ARL15: variants seen among roughly 807,000 people sequenced by gnomAD.
ARL15 encodes ADP-ribosylation factor-like protein 15.
Under a neutral mutation model 25.2 loss-of-function variants are expected in ARL15, and 19 were observed. That is an observed-to-expected ratio of 0.75 (90% CI 0.53 to 1.10). ARL15 has a LOEUF of 1.10. Among genes scored for constraint, ARL15 ranks in the 50% least tolerant of loss-of-function variants. ARL15 has a pLI of 0.00. For synonymous variants in ARL15, 94 were observed against 86.8 expected (o/e 1.08, Z -0.46); for missense variants, 220 against 246.0 (o/e 0.89, Z 0.71).
chr5:54,043,220 A>G (rs1171077066), intron 4 of ARL15, among the ~76,000 whole-genome samples: 1 of 150,612 alleles, frequency 6.6e-6, no homozygotes, highest in African/African-American at 2.4e-5. Flanking sequence ...TTTTTTTAGT[A>G]CTTTATACAT....
At chr5:54,072,505 T>C (rs887907118) in intron 4 of ARL15, among the ~76,000 whole-genome samples, 1 of 152,170 alleles carries the variant, frequency 6.6e-6, no homozygotes. Flanking sequence ...GCTATCATCA[T>C]GTGGTCTAAA....
In ARL15 at chr5:54,256,535, A is replaced by G. The variant is rs140487350; in HGVS notation, c.48+53897T>C. 8.3e-3 allele frequency among the ~76,000 whole-genome samples: 1,259 copies of G among 151,434 alleles called. 25 individuals carry two copies. The highest frequency in any genetic ancestry group is 0.029 in the African/African-American group (1,198 of 41,292). Reference sequence around the variant, plus strand: ...AACCCTACTGAAACTATGCCAAAAGACTGAGAAAGACGGAATCCTCTCTAA... The same window carrying G: ...AACCCTACTGAAACTATGCCAAAAGGCTGAGAAAGACGGAATCCTCTCTAA... On this transcript the variant is annotated intron_variant, in intron 1 of 4. Coordinates refer to ENST00000504924, the MANE Select transcript of ARL15 (RefSeq NM_019087.3).
In ARL15 at chr5:54,305,228, G is replaced by C. The variant is rs896919112; in HGVS notation, c.48+5204C>G. Among the ~76,000 whole-genome samples, 4 of 152,064 alleles carry C rather than the reference G, an allele frequency of 2.6e-5. No individual in the cohort carries two copies. The South Asian group carries it at 8.3e-4, about 32-fold the overall frequency. ...TAAATCCCAAACACTGGCAGGGCAC[G>C]GTGGCTCACTCCTGTAATCCCAGCA... On this transcript the variant is annotated intron_variant, in intron 1 of 4. Coordinates refer to ENST00000504924, the MANE Select transcript of ARL15 (RefSeq NM_019087.3).
At chr5:54,011,404 C>A (rs1174507148) in intron 4 of ARL15, among the ~76,000 whole-genome samples, 1 of 152,104 alleles carries the variant, frequency 6.6e-6, no homozygotes, top group African/African-American at 2.4e-5. Flanking sequence ...CTCCTGTAAT[C>A]AGAAGAGGTT....
At chr5:54,207,072 C>A (rs16882447) in intron 1 of ARL15, among the ~76,000 whole-genome samples, 48,868 of 152,188 alleles carry the variant, frequency 0.32, 8,301 homozygotes, top group Middle Eastern at 0.39. Flanking sequence ...AAAGCACCCA[C>A]GTTCCTCTAG....
At chr5:54,019,977 C>T (rs981953141) in intron 4 of ARL15, among the ~76,000 whole-genome samples, 2 of 152,162 alleles carry the variant, frequency 1.3e-5, no homozygotes, top group African/African-American at 2.4e-5. Context: ...TCAAATGTGA[C>T]GCTACAACAC....
At chr5:54,181,488 C>T (rs915602420) in intron 1 of ARL15, among the ~76,000 whole-genome samples, 7 of 152,168 alleles carry the variant, frequency 4.6e-5, no homozygotes, top group African/African-American at 9.7e-5. Context: ...ATGCATTTTA[C>T]AGCAAATCTC....
At chr5:53,890,806 C>G (rs530036324) in intron 4 of ARL15, among the ~76,000 whole-genome samples, 2 of 152,294 alleles carry the variant, frequency 1.3e-5, no homozygotes, top group Admixed American at 1.3e-4. Context: ...ATAACAGAGA[C>G]GACTCGGCAC....
intron 1 of ARL15, among the ~76,000 whole-genome samples, chr5:54,302,401 A>G (rs1229451219): frequency 6.6e-6 from 1 of 152,138 alleles, no homozygotes; most frequent in Non-Finnish European, 1.5e-5. Flanking sequence ...CTCTTTTCTA[A>G]GTTGCTATGT....
At chr5:54,053,912 T>C (rs78246361) in intron 4 of ARL15, among the ~76,000 whole-genome samples, 2,845 of 152,316 alleles carry the variant, frequency 0.019, 91 homozygotes, top group African/African-American at 0.065. Context: ...ACTTTAGTTA[T>C]AAGCAATGTA....
intron 4 of ARL15, among the ~76,000 whole-genome samples, chr5:53,989,909 T>TTA (rs1322935456): frequency 6.6e-6 from 1 of 152,104 alleles, no homozygotes; most frequent in Non-Finnish European, 1.5e-5. Context: ...AGGGCAGTAA[T>TTA]TAGCACGTTG....
intron 3 of ARL15, among the ~76,000 whole-genome samples, chr5:54,128,170 C>T (rs1190425249): frequency 6.6e-6 from 1 of 152,198 alleles, no homozygotes; most frequent in Non-Finnish European, 1.5e-5. Flanking sequence ...AGATTTCAAG[C>T]CTGAACCCAA....
chr5:53,942,701 G>A lies in ARL15; in HGVS notation c.463-55988C>T, dbSNP rs371032255. Reference sequence around the variant, plus strand: ...GTGGAGGTTGCAGTGAGCCGAGATCGCGCCACTGCACTCCAGCCTGGGTGA... The same window carrying A: ...GTGGAGGTTGCAGTGAGCCGAGATCACGCCACTGCACTCCAGCCTGGGTGA... On this transcript the variant is annotated intron_variant, in intron 4 of 4. Coordinates refer to ENST00000504924, the MANE Select transcript of ARL15 (RefSeq NM_019087.3). 6.6e-5 allele frequency among the ~76,000 whole-genome samples: 10 copies of A among 152,234 alleles called. No homozygotes were observed. In the East Asian group the frequency reaches 1.7e-3, roughly 27 times the overall value.
chr5:54,278,373 C>T (rs1757974985), intron 1 of ARL15, among the ~76,000 whole-genome samples: 1 of 152,178 alleles, frequency 6.6e-6, no homozygotes, highest in Non-Finnish European at 1.5e-5. Context: ...CACAATTGTA[C>T]TATAAACTCT....
At chr5:53,978,373 CA>C in intron 4 of ARL15, among the ~76,000 whole-genome samples, 1 of 152,176 alleles carries the variant, frequency 6.6e-6, no homozygotes, top group East Asian at 1.9e-4. Flanking sequence ...CTCCTGACAT[CA>C]AATCTTAATG....
chr5:54,096,870 A>G (rs1394488904), intron 4 of ARL15, among the ~76,000 whole-genome samples: 1 of 152,200 alleles, frequency 6.6e-6, no homozygotes, highest in African/African-American at 2.4e-5. Flanking sequence ...GTTACTATGT[A>G]AGGCTTAAAT....
At chr5:54,012,049 T>C (rs534870698) in intron 4 of ARL15, among the ~76,000 whole-genome samples, 40 of 152,258 alleles carry the variant, frequency 2.6e-4, no homozygotes, top group Non-Finnish European at 3.7e-4. Context: ...AAACCAAATA[T>C]TGTAAATTTA....
At chr5:54,182,581 G>T (rs909966215) in intron 1 of ARL15, among the ~76,000 whole-genome samples, 8 of 147,598 alleles carry the variant, frequency 5.4e-5, no homozygotes, top group Admixed American at 1.4e-4. Context: ...GTCAGGTAGT[G>T]TGATGCCTCC....
intron 4 of ARL15, among the ~76,000 whole-genome samples, chr5:54,092,579 A>C (rs770607211): frequency 6.6e-6 from 1 of 152,242 alleles, no homozygotes; most frequent in Non-Finnish European, 1.5e-5. Flanking sequence ...GAACCACTCA[A>C]GGTGATCCTG....
Sources: gnomAD v4.1 joint callset for allele counts (sites outside exome capture counted in the v4.1 genomes callset) on GRCh38, gnomAD v4.1.1 for gene constraint, MANE v1.5 for transcripts, NCBI Gene and HGNC (gene_info 2026-07-23, HGNC 2026-07-21) for gene names.